The following ABCD3 variants were observed in gnomAD, a reference collection of about 807,000 sequenced individuals.
The protein encoded by ABCD3 is ATP binding cassette subfamily D member 3.
A neutral mutation model predicts 105.5 loss-of-function variants in ABCD3; 41 were observed. The ratio of observed to expected loss-of-function variants is 0.39; its 90% CI spans 0.30 to 0.50. The LOEUF (loss-of-function observed/expected upper bound fraction) is 0.50, where lower values mean the gene tolerates loss of function less well. Ranked by LOEUF, ABCD3 falls within the 20% of genes least tolerant of loss-of-function variation. The probability of loss-of-function intolerance (pLI) is 0.84; values close to 1 mark genes in which losing one functional copy is unlikely to be tolerated. For synonymous variants in ABCD3, 258 were observed against 269.0 expected (o/e 0.96, Z 0.40); for missense variants, 622 against 806.3 (o/e 0.77, Z 2.77).
intron 1 of ABCD3, among the ~76,000 whole-genome samples, chr1:94,441,331 C>T (rs1190551692): frequency 1.3e-5 from 2 of 152,106 alleles, no homozygotes; most frequent in African/African-American, 2.4e-5. Flanking sequence ...ACTACTTTGG[C>T]AAAAACTTAA....
Position 94,464,852 on chromosome 1 carries a change from C to T in ABCD3, c.225C>T (p.Val75=). Residue 75 remains valine (V), a synonymous_variant, in exon 3 of 23, where the codon GTC becomes GTT. Coordinates refer to ENST00000370214, the MANE Select transcript of ABCD3 (RefSeq NM_002858.4). ...SRLIQILKIM[V]PRTFCKETGY... is the part of the protein sequence containing the mutation. ...TCATACAGATTCTGAAAATCATGGT[C>T]CCTAGAACATTTTGTAAAGAGGTAA... The T allele has an allele frequency of 1.2e-6, 2 of 1,613,096 alleles. No individual in the cohort carries two copies. Among genetic ancestry groups the T allele is most frequent in the African/African-American group, 1.3e-5 (1 of 74,768 alleles).
At chr1:94,516,348 T>C (rs1408891171) in intron 22 of ABCD3, among the ~76,000 whole-genome samples, 1 of 152,040 alleles carries the variant, frequency 6.6e-6, no homozygotes, top group Non-Finnish European at 1.5e-5. Context: ...TTTATTATTT[T>C]ATGGCATATT....
chr1:94,484,883 A>T (rs1649211213), intron 10 of ABCD3, among the ~76,000 whole-genome samples: 1 of 152,254 alleles, frequency 6.6e-6, no homozygotes, highest in African/African-American at 2.4e-5. Context: ...TGAAGCATTC[A>T]TGAAAATACA....
At chr1:94,408,742 A>G in the ABCD3 span, among the ~76,000 whole-genome samples, 1 of 152,196 alleles carries the variant, frequency 6.6e-6, no homozygotes. Flanking sequence ...AGAAGTTTGG[A>G]TTTTATTCTT....
At chr1:94,455,203 A>G (rs1647487986) in intron 1 of ABCD3, among the ~76,000 whole-genome samples, 2 of 152,206 alleles carry the variant, frequency 1.3e-5, no homozygotes. Flanking sequence ...TTCTGTACTC[A>G]TACTGAATTG....
chr1:94,418,181 T>C (rs1659095117), upstream of ABCD3, among the ~76,000 whole-genome samples: 2 of 152,102 alleles, frequency 1.3e-5, no homozygotes, highest in South Asian at 2.1e-4. Flanking sequence ...CAGGGCTGAG[T>C]AGCAACAGCT....
intron 16 of ABCD3, among the ~76,000 whole-genome samples, chr1:94,494,900 A>C (rs1033557065): frequency 3.9e-5 from 6 of 152,096 alleles, no homozygotes; most frequent in African/African-American, 1.4e-4. Flanking sequence ...GCAACATGGC[A>C]AAACCCCGTC....
At chr1:94,425,432 C>T (rs1276825964) in intron 1 of ABCD3, among the ~76,000 whole-genome samples, 4 of 152,078 alleles carry the variant, frequency 2.6e-5, no homozygotes, top group Non-Finnish European at 4.4e-5. Flanking sequence ...AGTTTATTTT[C>T]CTGTTAGCTA....
the ABCD3 span, among the ~76,000 whole-genome samples, chr1:94,405,535 C>T: frequency 0.029 from 4,340 of 152,218 alleles, 97 homozygotes; most frequent in South Asian, 0.11. Flanking sequence ...AACTCCCCAC[C>T]TCAGGTGATC....
rs757684877 is a variant in ABCD3, at chr1:94,467,916, T to C, written c.247-3T>C. ...TTAATTTACTATACCTGGTTTATTTTAGACAGGTTACTTGGTACTTATTGC... is the reference window on the plus strand; with the variant it reads ...TTAATTTACTATACCTGGTTTATTTCAGACAGGTTACTTGGTACTTATTGC... On this transcript the variant is annotated splice_polypyrimidine_tract_variant and splice_region_variant and intron_variant, in intron 3 of 22. Coordinates refer to ENST00000370214, the MANE Select transcript of ABCD3 (RefSeq NM_002858.4). The C allele has an allele frequency of 1.2e-6, 2 of 1,605,402 alleles. No individual in the cohort carries two copies. The highest frequency in any genetic ancestry group is 4.5e-5 in the East Asian group (2 of 44,750).
intron 4 of ABCD3, among the ~76,000 whole-genome samples, chr1:94,469,242 G>T (rs944983377): frequency 9.2e-5 from 14 of 152,166 alleles, no homozygotes; most frequent in African/African-American, 3.1e-4. Context: ...AGTTTCAAGA[G>T]TGTAAGTGTT....
chr1:94,499,969 C>G (rs1454528971), intron 20 of ABCD3, among the ~76,000 whole-genome samples: 2 of 152,088 alleles, frequency 1.3e-5, no homozygotes, highest in Admixed American at 6.6e-5. Flanking sequence ...CTATAGACAT[C>G]TCTTTTGTAT....
chr1:94,408,983 A>C, the ABCD3 span, among the ~76,000 whole-genome samples: 1 of 152,088 alleles, frequency 6.6e-6, no homozygotes, highest in Non-Finnish European at 1.5e-5. Context: ...TTTTCCTTAT[A>C]CTAATTCTAC....
chr1:94,514,844 C>T, intron 21 of ABCD3: 2 of 305,558 alleles, frequency 6.5e-6, no homozygotes, highest in Non-Finnish European at 1.2e-5. Flanking sequence ...TATTTTTATC[C>T]TTCTCATATT....
chr1:94,397,526 G>A, the ABCD3 span, among the ~76,000 whole-genome samples: 1 of 152,180 alleles, frequency 6.6e-6, no homozygotes, highest in Non-Finnish European at 1.5e-5. Context: ...TGGGGGTTAT[G>A]GACTTTTTGG....
At chr1:94,499,420 T>G in intron 19 of ABCD3, 75 bp from the exon 20 acceptor site, 1 of 1,450,298 alleles carries the variant, frequency 6.9e-7, no homozygotes, top group Non-Finnish European at 9.7e-7. Flanking sequence ...GTGATTCCAG[T>G]TTAAAAAATA....
intron 10 of ABCD3, among the ~76,000 whole-genome samples, chr1:94,484,011 T>C (rs1160503887): frequency 6.6e-6 from 1 of 152,152 alleles, no homozygotes; most frequent in Non-Finnish European, 1.5e-5. Context: ...AAAGAAGACA[T>C]TTATGCAGCC....
intron 1 of ABCD3, among the ~76,000 whole-genome samples, chr1:94,428,860 C>T (rs559798587): frequency 2.2e-4 from 34 of 152,146 alleles, no homozygotes; most frequent in Middle Eastern, 3.4e-3. Context: ...TGGGGCATTG[C>T]TCAAAAGATA....
At chr1:94,452,713 G>GT (rs1229514066) in intron 1 of ABCD3, among the ~76,000 whole-genome samples, 8 of 151,228 alleles carry the variant, frequency 5.3e-5, no homozygotes, top group South Asian at 4.2e-4. Flanking sequence ...GGTGTCAATG[G>GT]TTTTTTTTGT....
Sources: allele counts gnomAD v4.1 joint callset (sites outside exome capture counted in the v4.1 genomes callset), GRCh38; gene constraint gnomAD v4.1.1; transcripts MANE v1.5; gene names NCBI Gene and HGNC (gene_info 2026-07-23, HGNC 2026-07-21).